Variants in SEMA3C observed in about 807,000 individuals in gnomAD.
SEMA3C encodes the protein semaphorin 3C.
Under a neutral mutation model 89.4 loss-of-function variants are expected in SEMA3C, and 47 were observed. The observed-to-expected ratio is 0.53, with a 90% CI of 0.42 to 0.67. The LOEUF (loss-of-function observed/expected upper bound fraction) is 0.67. Among genes scored for constraint, SEMA3C ranks in the 30% least tolerant of loss-of-function variants. The probability of loss-of-function intolerance (pLI) is 0.00; values close to 1 mark genes in which losing one functional copy is unlikely to be tolerated. For synonymous variants in SEMA3C, 310 were observed against 320.2 expected, an observed-to-expected ratio of 0.97 and a Z score of 0.34; for missense variants, 839 against 929.1, an observed-to-expected ratio of 0.90 and a Z score of 1.26.
chr7:80,797,936 T>A (rs879790520), intron 11 of SEMA3C, among the ~76,000 whole-genome samples, 156 bp downstream of exon 11: 1 of 151,712 alleles, frequency 6.6e-6, no homozygotes, highest in Admixed American at 6.6e-5. Context: ...AGGCGGAGGG[T>A]GAGGTGAGCT....
In SEMA3C at chr7:80,843,401, T is replaced by C. The variant is rs186040909; in HGVS notation, c.104-14656A>G. 1.1e-3 allele frequency among the ~76,000 whole-genome samples: 169 copies of C among 152,264 alleles called. 1 individual carries two copies. The highest frequency in any genetic ancestry group is 3.9e-3 in the Admixed American group (59 of 15,288). ...TGTTGTTTTTTTTAGCTTAATGCAT[T>C]TTCCTGGAACAAAGTCTGGCTTTTG... On this transcript the variant is annotated intron_variant, in intron 2 of 17. Coordinates refer to ENST00000265361, the MANE Select transcript of SEMA3C (RefSeq NM_006379.5).
intron 2 of SEMA3C, among the ~76,000 whole-genome samples, chr7:80,872,702 G>A (rs1791092303): frequency 6.7e-6 from 1 of 148,564 alleles, no homozygotes; most frequent in African/African-American, 2.5e-5. Context: ...TTGAGAAGCT[G>A]AGACAGGAGA....
At chr7:80,754,947 G>GT (rs1031680674) in intron 15 of SEMA3C, among the ~76,000 whole-genome samples, 2,718 of 13,070 alleles carry the variant, frequency 0.21, 98 homozygotes, top group African/African-American at 0.31. Flanking sequence ...CTGGCGAATT[G>GT]TTTTTTTTTG....
intron 4 of SEMA3C, among the ~76,000 whole-genome samples, chr7:80,826,870 T>C (rs557605070): frequency 2.0e-5 from 3 of 152,298 alleles, no homozygotes; most frequent in South Asian, 4.1e-4. Context: ...CTTGATTATT[T>C]TGAATCTCAC....
At chr7:80,752,445 A>G (rs1273617429) in intron 15 of SEMA3C, among the ~76,000 whole-genome samples, 1 of 152,022 alleles carries the variant, frequency 6.6e-6, no homozygotes, top group Admixed American at 6.6e-5. Flanking sequence ...CCCCGTCTCT[A>G]CTAAAAATAC....
chr7:80,819,070 C>G (rs1358125560), intron 4 of SEMA3C, among the ~76,000 whole-genome samples: 1 of 152,182 alleles, frequency 6.6e-6, no homozygotes, highest in Non-Finnish European at 1.5e-5. Flanking sequence ...CCTGCTTTTT[C>G]TATTTCTGTT....
chr7:80,918,274 C>CT (rs1377399263), intron 1 of SEMA3C: 1 of 152,118 alleles, frequency 6.6e-6, no homozygotes, highest in Non-Finnish European at 1.5e-5. Flanking sequence ...ATTATTTACA[C>CT]ATTTTTTTTA....
chr7:80,887,102 G>T (rs757329738), intron 2 of SEMA3C, among the ~76,000 whole-genome samples: 38 of 151,996 alleles, frequency 2.5e-4, no homozygotes, highest in Non-Finnish European at 4.3e-4. Flanking sequence ...TCCCTTAAAA[G>T]ATTTCTATTT....
rs956765378 is a variant in SEMA3C at position 80,785,783 on chromosome 7, T to A, written c.1354+3523A>T. 1.1e-4 allele frequency among the ~76,000 whole-genome samples: 16 copies of A among 152,128 alleles called. No homozygotes were observed. In the East Asian group the frequency reaches 3.1e-3, roughly 29 times the overall value. ...GCCACCATGCCGGGATAATTTTGTA[T>A]TTTTAGTAGAGATGGGGTTTCTCCA... is the stretch of plus-strand genomic sequence containing the variant. On this transcript the variant is annotated intron_variant, in intron 12 of 17. Coordinates refer to ENST00000265361, the MANE Select transcript of SEMA3C (RefSeq NM_006379.5).
chr7:80,905,423 T>C lies in SEMA3C; in HGVS notation c.103+11256A>G, dbSNP rs914701241. On this transcript the variant is annotated intron_variant, in intron 2 of 17. Transcript: ENST00000265361. The stretch of plus-strand genomic sequence containing the variant: ...AATGCTCAGGGCAGTTGGATTTAAT[T>C]TGACGATTAGAAGTCAGCCTGTTTG... Among the ~76,000 whole-genome samples the C allele has an allele frequency of 3.3e-5, 5 of 151,940 alleles. No individual in the cohort carries two copies. The South Asian group carries it at 1.0e-3, about 32-fold the overall frequency.
intron 2 of SEMA3C, among the ~76,000 whole-genome samples, chr7:80,885,832 G>GCATGTACATA (rs1467965193): frequency 1.3e-5 from 2 of 152,140 alleles, no homozygotes; most frequent in Non-Finnish European, 2.9e-5. Context: ...CAAAAATACT[G>GCATGTACATA]CATGTACATA....
intron 12 of SEMA3C, among the ~76,000 whole-genome samples, chr7:80,773,864 C>T (rs141684163): frequency 0.011 from 1,653 of 152,232 alleles, 13 homozygotes; most frequent in Middle Eastern, 0.031. Flanking sequence ...ATTGCAGTTG[C>T]TACTCGCAAA....
At chr7:80,750,473 T>C (rs13222358) in intron 16 of SEMA3C, among the ~76,000 whole-genome samples, 16,905 of 55,384 alleles carry the variant, frequency 0.31, 2,347 homozygotes, top group East Asian at 0.4. Flanking sequence ...TATATATATA[T>C]ACACACACAC....
Position 80,818,348 on chromosome 7 carries a change from C to T in SEMA3C, c.398G>A (p.Gly133Asp), listed in dbSNP as rs1474043899. The change falls in exon 5 of 18, where the codon GGC (glycine) becomes GAC (aspartate). Residue 133 changes from glycine (G) to aspartate (D), a missense_variant. Transcript: ENST00000265361. ...NRTHLYVCGS[G>D]AFSPVCTYLN... ...GTAAGTACAGACAGGACTGAAAGCG[C>T]CACTCCCACAGACATACAAATGTGT... The T allele has an allele frequency of 6.2e-7, 1 of 1,613,588 alleles. No individual in the cohort carries two copies. Among genetic ancestry groups the T allele is most frequent in the Admixed American group, 1.7e-5 (1 of 60,016 alleles).
chr7:80,774,070 C>A (rs1788493143), intron 12 of SEMA3C, among the ~76,000 whole-genome samples: 1 of 152,178 alleles, frequency 6.6e-6, no homozygotes, highest in South Asian at 2.1e-4. Context: ...AAACCCATAA[C>A]CTAATCTGAT....
At chr7:80,842,882 GTATT>G (rs1221519390) in intron 2 of SEMA3C, among the ~76,000 whole-genome samples, 2 of 152,074 alleles carry the variant, frequency 1.3e-5, no homozygotes, top group African/African-American at 4.8e-5. Context: ...CATATAAACT[GTATT>G]CCCTAATTTT....
intron 2 of SEMA3C, among the ~76,000 whole-genome samples, chr7:80,902,951 A>C (rs1057229182): frequency 1.3e-5 from 2 of 152,196 alleles, no homozygotes; most frequent in Non-Finnish European, 2.9e-5. Flanking sequence ...GAACGGTAAG[A>C]GCATAAGCCC....
rs145283217 is a variant in SEMA3C at position 80,824,896 on chromosome 7, G to T, written c.327+2529C>A. ...ACCTGGCGTGTTCCATTAAATGTTG[G>T]GTATTTTTTCTGAATATCAGTGTAT... On this transcript the variant is annotated intron_variant, in intron 4 of 17. Coordinates refer to ENST00000265361, the MANE Select transcript of SEMA3C (RefSeq NM_006379.5). 5.2e-3 allele frequency among the ~76,000 whole-genome samples: 796 copies of T among 152,038 alleles called. 6 individuals are homozygous for T. Among genetic ancestry groups the T allele is most frequent in the African/African-American group, 0.017 (724 of 41,464 alleles).
chr7:80,839,210 G>A (rs1210556949), intron 2 of SEMA3C, among the ~76,000 whole-genome samples: 2 of 152,172 alleles, frequency 1.3e-5, no homozygotes, highest in African/African-American at 4.8e-5. Flanking sequence ...TGAGCTATCA[G>A]TATCAATGAT....
Sources: allele counts gnomAD v4.1 joint callset (sites outside exome capture counted in the v4.1 genomes callset), GRCh38; gene constraint gnomAD v4.1.1; transcripts MANE v1.5; gene names NCBI Gene and HGNC (gene_info 2026-07-23, HGNC 2026-07-21).